Variants in VLDLR observed in about 807,000 individuals in gnomAD.
VLDLR encodes very low density lipoprotein receptor.
A neutral mutation model predicts 112.7 loss-of-function variants in VLDLR; 81 were observed. That is an observed-to-expected ratio of 0.72 (90% confidence interval 0.60 to 0.86). VLDLR has a LOEUF of 0.86. Ranked by LOEUF, VLDLR falls within the 40% of genes least tolerant of loss-of-function variation. The probability of loss-of-function intolerance (pLI) is 0.00; values close to 1 mark genes in which losing one functional copy is unlikely to be tolerated. For missense variants in VLDLR, 1,237 were observed against 1,099.4 expected (o/e 1.13, Z -1.77); for synonymous variants, 436 against 384.8 (o/e 1.13, Z -1.56).
At chr9:2,640,077 C>G in intron 3 of VLDLR, 96 bp downstream of exon 3, 2 of 1,602,306 alleles carry the variant, frequency 1.2e-6, no homozygotes, top group Non-Finnish European at 8.5e-7. Context: ...ATTCATTTTT[C>G]TTTGCCTGCC....
rs919764976 is a variant in VLDLR at position 2,654,114 on chromosome 9, T to C, written c.*246T>C. Reference sequence around the variant, plus strand: ...CTGTAACCCTTGAATTTCTAGACAGTATTGCCACCTCTGGCCAAATATGCA... The same window carrying C: ...CTGTAACCCTTGAATTTCTAGACAGCATTGCCACCTCTGGCCAAATATGCA... On this transcript the variant is annotated 3_prime_UTR_variant, in exon 19 of 19. Transcript: ENST00000382100. The C allele has an allele frequency of 5.3e-5, 27 of 510,092 alleles. No homozygotes were observed. The highest frequency in any genetic ancestry group is 9.2e-5 in the Non-Finnish European group (26 of 281,198). 31.6% of individuals were successfully genotyped at this position (510,092 alleles called of 1,614,324 possible).
chr9:2,639,247 C>T (rs146617194), intron 2 of VLDLR, among the ~76,000 whole-genome samples: 1 of 152,238 alleles, frequency 6.6e-6, no homozygotes, highest in African/African-American at 2.4e-5. Context: ...TGACCATCTT[C>T]TCACTGTGTC....
chr9:2,626,759 C>T (rs1445940839), intron 1 of VLDLR, among the ~76,000 whole-genome samples: 2 of 152,092 alleles, frequency 1.3e-5, no homozygotes, highest in African/African-American at 4.8e-5. Flanking sequence ...AATTTGCCAA[C>T]CAAGGGACAT....
intron 4 of VLDLR, 84 bp from the exon 5 acceptor site, chr9:2,643,076 G>T (rs1817893458): frequency 1.9e-6 from 3 of 1,586,180 alleles, no homozygotes; most frequent in Non-Finnish European, 1.7e-6. Context: ...AATGAATAAA[G>T]ATCAATGTAT....
chr9:2,635,404 G>T, intron 1 of VLDLR, 49 bp from the exon 2 acceptor site: 1 of 1,612,574 alleles, frequency 6.2e-7, no homozygotes, highest in South Asian at 1.1e-5. Flanking sequence ...TAGGTATCTT[G>T]AATCTATAAC....
intron 1 of VLDLR, among the ~76,000 whole-genome samples, chr9:2,625,151 C>T (rs1322239932): frequency 6.6e-6 from 1 of 152,168 alleles, no homozygotes; most frequent in Non-Finnish European, 1.5e-5. Context: ...AATTGAATAA[C>T]CGTAAACTTG....
Position 2,638,914 on chromosome 9 carries a change from C to A in VLDLR, c.203-945C>A, listed in dbSNP as rs1817713975. 1.1e-4 allele frequency among the ~76,000 whole-genome samples: 16 copies of A among 151,650 alleles called. No homozygotes were observed. The South Asian group carries it at 3.3e-3, about 31-fold the overall frequency. On this transcript the variant is annotated intron_variant, in intron 2 of 18. Transcript: ENST00000382100. Reference sequence around the variant, plus strand: ...GGCTAGAAAGGCTAAAATCTTCTCTCCCTTGAATTCTAAGTACAACATCTC... The same window carrying A: ...GGCTAGAAAGGCTAAAATCTTCTCTACCTTGAATTCTAAGTACAACATCTC...
At position 2,646,325 on chromosome 9, in the gene VLDLR, C is replaced by T. The variant is rs999456958; in HGVS notation, c.1485-9C>T. The T allele has an allele frequency of 2.5e-6, 4 of 1,613,628 alleles. No homozygotes were observed. Among genetic ancestry groups the T allele is most frequent in the Admixed American group, 3.3e-5 (2 of 60,006 alleles). ...ACTCTTAAATTTCTTGTGACCTATT[C>T]TGTTTCAGTGCCTCAATTGATGACA... is the stretch of plus-strand genomic sequence containing the variant. On this transcript the variant is annotated splice_polypyrimidine_tract_variant and intron_variant, in intron 10 of 18. Coordinates refer to ENST00000382100, the MANE Select transcript of VLDLR (RefSeq NM_003383.5).
At chr9:2,632,711 T>C (rs914442636) in intron 1 of VLDLR, among the ~76,000 whole-genome samples, 1 of 152,022 alleles carries the variant, frequency 6.6e-6, no homozygotes, top group Non-Finnish European at 1.5e-5. Flanking sequence ...AACAGAAAAC[T>C]TAACAGTGTT....
Position 2,659,946 on chromosome 9 carries a change from T to C in VLDLR, c.*6078T>C, listed in dbSNP as rs1409074182. On this transcript the variant is annotated 3_prime_UTR_variant, in exon 19 of 19. Transcript: ENST00000382100. ...TACAACCAAATTATCATGCTCAGGATCTTCAGAATTCTAAAGGCACATGTT... is the reference window on the plus strand; with the variant it reads ...TACAACCAAATTATCATGCTCAGGACCTTCAGAATTCTAAAGGCACATGTT... 1.3e-5 allele frequency: 2 copies of C among 152,216 alleles called. No homozygotes were observed. The highest frequency in any genetic ancestry group is 3.8e-4 in the East Asian group (2 of 5,204). The allele number at this position is 152,216 out of a possible 1,614,324, so 9.4% of individuals were successfully genotyped here.
At chr9:2,645,424 G>A (rs1563761046) in intron 9 of VLDLR, 150 bp from the exon 10 acceptor site, 1 of 998,494 alleles carries the variant, frequency 1.0e-6, no homozygotes, top group African/African-American at 1.6e-5. Flanking sequence ...AGCACTTGCA[G>A]GTCCCAGGGG....
intron 15 of VLDLR, among the ~76,000 whole-genome samples, chr9:2,650,753 C>A (rs111762444): frequency 3.9e-5 from 6 of 152,232 alleles, no homozygotes; most frequent in Admixed American, 1.3e-4. Context: ...TAATTTGTAC[C>A]TAGTCCCTTA....
intron 10 of VLDLR, among the ~76,000 whole-genome samples, 198 bp from the exon 11 acceptor site, chr9:2,646,136 A>G (rs1818059697): frequency 2.6e-5 from 4 of 151,914 alleles, no homozygotes. Flanking sequence ...TAGAATACAT[A>G]CCAGCAACTA....
rs886063804 is a variant in VLDLR, at chr9:2,622,131, TGTC to T, written c.-56_-54del. On this transcript the variant is annotated 5_prime_UTR_variant, in exon 1 of 19. Coordinates refer to ENST00000382100, the MANE Select transcript of VLDLR (RefSeq NM_003383.5). ...CCTCCTTTCGGAAGGACTGGTAACT[TGTC>T]GTGCGGAGCGAACGGCGGCGGCGGC... The T allele has an allele frequency of 2.1e-4, 300 of 1,429,164 alleles. 2 individuals carry two copies. Among genetic ancestry groups the T allele is most frequent in the East Asian group, 5.3e-4 (19 of 35,664 alleles). The allele number at this position is 1,429,164 out of a possible 1,614,324, so 88.5% of individuals were successfully genotyped here.
Position 2,642,780 on chromosome 9 carries a change from C to T in VLDLR, c.449-380C>T, listed in dbSNP as rs536749534. Among the ~76,000 whole-genome samples, 5 of 152,296 alleles carry T rather than the reference C, an allele frequency of 3.3e-5. No individual in the cohort carries two copies. The South Asian group carries it at 1.0e-3, about 32-fold the overall frequency. ...TGAGTATTACGTTGCATGATATTCT[C>T]AACTAGTGATAAGATCTGACAAGCA... On this transcript the variant is annotated intron_variant, in intron 4 of 18. Transcript: ENST00000382100.
Position 2,643,526 on chromosome 9 carries a change from A to G in VLDLR, c.815A>G (p.Asn272Ser). The change falls in exon 5 of 19, where the codon AAC (asparagine) becomes AGC (serine). Residue 272 changes from asparagine (N) to serine (S), a missense_variant. Asn to Ser is a conservative substitution (Grantham distance 46). Coordinates refer to ENST00000382100, the MANE Select transcript of VLDLR (RefSeq NM_003383.5). Reference protein sequence around the residue: ...PDCKDGSDEVNCPSRTCRPDQ... With the variant: ...PDCKDGSDEVSCPSRTCRPDQ... ...TGCAAGGATGGCAGTGATGAGGTCA[A>G]CTGTCGTAAGTAGCTTTCTAGCATG... The G allele has an allele frequency of 1.9e-6, 3 of 1,614,230 alleles. No individual in the cohort carries two copies. The highest frequency in any genetic ancestry group is 2.5e-6 in the Non-Finnish European group (3 of 1,180,030).
At chr9:2,644,034 C>T (rs1817947635) in intron 7 of VLDLR, 75 bp downstream of exon 7, 2 of 1,606,362 alleles carry the variant, frequency 1.2e-6, no homozygotes, top group South Asian at 2.2e-5. Context: ...TGTGTGGACC[C>T]CCCGTGATGG....
chr9:2,647,798 G>C (rs959043166), intron 12 of VLDLR: 22 of 647,300 alleles, frequency 3.4e-5, no homozygotes, highest in Non-Finnish European at 5.3e-5. Flanking sequence ...CTGTTGTCCA[G>C]CTGGGCCTAA....
Position 2,646,815 on chromosome 9 carries a change from G to A in VLDLR, c.1703+263G>A, listed in dbSNP as rs370379215. ...AATTAACATTCCTGATTTGATGTGT[G>A]TACCAAAAGCTGTATCTGAACCCTT... On this transcript the variant is annotated intron_variant, in intron 11 of 18. Coordinates refer to ENST00000382100, the MANE Select transcript of VLDLR (RefSeq NM_003383.5). 3.9e-5 allele frequency among the ~76,000 whole-genome samples: 6 copies of A among 152,268 alleles called. No homozygotes were observed. The East Asian group carries it at 7.7e-4, about 20-fold the overall frequency.
Sources: allele counts gnomAD v4.1 joint callset (sites outside exome capture counted in the v4.1 genomes callset), GRCh38; gene constraint gnomAD v4.1.1; transcripts MANE v1.5; gene names NCBI Gene and HGNC (gene_info 2026-07-23, HGNC 2026-07-21).